Variants in ADAMTS18 observed in about 807,000 individuals in gnomAD.
The protein encoded by ADAMTS18 is ADAM metallopeptidase with thrombospondin type 1 motif 18, also known as A disintegrin and metalloproteinase with thrombospondin motifs 18.
In ADAMTS18, 157 loss-of-function variants were observed where a neutral mutation model predicts 165.9. The observed-to-expected ratio is 0.95, with a 90% CI of 0.83 to 1.08. The LOEUF (loss-of-function observed/expected upper bound fraction) is 1.08, where lower values mean the gene tolerates loss of function less well. ADAMTS18 is among the 50% of genes least tolerant of loss of function. ADAMTS18 has a pLI of 0.00. For synonymous variants in ADAMTS18, 782 were observed against 578.2 expected, an observed-to-expected ratio of 1.35 and a Z score of -5.06; for missense variants, 2,040 against 1,534.0, an observed-to-expected ratio of 1.33 and a Z score of -5.51.
chr16:77,289,110 C>G (rs970957342), intron 22 of ADAMTS18, among the ~76,000 whole-genome samples, 154 bp downstream of exon 22: 4 of 152,174 alleles, frequency 2.6e-5, no homozygotes, highest in African/African-American at 4.8e-5. Flanking sequence ...AGAGTGGTGC[C>G]TTATACAACT....
chr16:77,376,535 G>C (rs7196942), intron 3 of ADAMTS18, among the ~76,000 whole-genome samples: 37,306 of 151,908 alleles, frequency 0.25, 5,218 homozygotes, highest in East Asian at 0.57. Flanking sequence ...GTCAAGCCGA[G>C]GGAAAGGACT....
rs764484982 is a variant in ADAMTS18 at position 77,335,906 on chromosome 16, T to G, written c.1711-2A>C. On this transcript the variant is annotated splice_acceptor_variant, in intron 11 of 22. Coordinates refer to ENST00000282849, the MANE Select transcript of ADAMTS18 (RefSeq NM_199355.4). LOFTEE classifies it high-confidence loss of function. ...TACGCACTGGCCTTGCCGACACCACTGTGAAAAGAACGTGTAAGATGGTTC... is the reference window on the plus strand; with the variant it reads ...TACGCACTGGCCTTGCCGACACCACGGTGAAAAGAACGTGTAAGATGGTTC... 1 of 1,614,140 alleles carries G rather than the reference T, an allele frequency of 6.2e-7. No individual in the cohort carries two copies. Among genetic ancestry groups the G allele is most frequent in the East Asian group, 2.2e-5 (1 of 44,882 alleles).
intron 12 of ADAMTS18, among the ~76,000 whole-genome samples, chr16:77,334,016 T>C (rs1349704603): frequency 7.1e-6 from 1 of 141,292 alleles, no homozygotes; most frequent in Admixed American, 7.5e-5. Flanking sequence ...ATATGCTATA[T>C]ATAATATACA....
At chr16:77,365,295 A>G (rs1300442421) in intron 4 of ADAMTS18, among the ~76,000 whole-genome samples, 3 of 152,220 alleles carry the variant, frequency 2.0e-5, no homozygotes, top group Non-Finnish European at 4.4e-5. Flanking sequence ...AACTGCAGAA[A>G]TAGTGTTAAT....
In ADAMTS18 at chr16:77,306,465, CTCTT is replaced by C. The variant is rs968285190; in HGVS notation, c.2533-6065_2533-6062del. Among the ~76,000 whole-genome samples, 63 of 152,272 alleles carry C rather than the reference CTCTT, an allele frequency of 4.1e-4. 1 individual carries two copies. Among genetic ancestry groups the C allele is most frequent in the African/African-American group, 1.4e-3 (57 of 41,564 alleles). On this transcript the variant is annotated intron_variant, in intron 16 of 22. Coordinates refer to ENST00000282849, the MANE Select transcript of ADAMTS18 (RefSeq NM_199355.4). The stretch of plus-strand genomic sequence containing the variant: ...CTTCAATAATCACGGGTAAATGATT[CTCTT>C]TCTTTCGTCCCCACTTTTAATTTTT...
intron 6 of ADAMTS18, among the ~76,000 whole-genome samples, chr16:77,363,528 T>C (rs936439871): frequency 8.9e-5 from 12 of 134,256 alleles, no homozygotes; most frequent in African/African-American, 3.5e-4. Flanking sequence ...TTTTTATTTA[T>C]ATTATCTATT....
intron 3 of ADAMTS18, among the ~76,000 whole-genome samples, chr16:77,401,574 T>A (rs1002431295): frequency 2.6e-5 from 4 of 152,224 alleles, no homozygotes; most frequent in East Asian, 3.9e-4. Flanking sequence ...ACACTAGAAT[T>A]GACAAGTTCT....
intron 16 of ADAMTS18, among the ~76,000 whole-genome samples, chr16:77,309,720 T>C (rs1429701511): frequency 6.6e-6 from 1 of 152,162 alleles, no homozygotes; most frequent in Non-Finnish European, 1.5e-5. Context: ...AGCAGTCAAT[T>C]ATTTCCAGGA....
intron 16 of ADAMTS18, among the ~76,000 whole-genome samples, chr16:77,317,271 C>A (rs1037725222): frequency 6.6e-6 from 1 of 152,106 alleles, no homozygotes; most frequent in South Asian, 2.1e-4. Context: ...TACTCTATAC[C>A]CAGTTTACTG....
chr16:77,334,969 T>C (rs1475584554), intron 12 of ADAMTS18, among the ~76,000 whole-genome samples: 11 of 142,918 alleles, frequency 7.7e-5, no homozygotes, highest in African/African-American at 2.8e-4. Flanking sequence ...ATATACTGTA[T>C]ATTATAGTAT....
chr16:77,408,049 C>CA (rs746297477), intron 3 of ADAMTS18, among the ~76,000 whole-genome samples: 2 of 151,736 alleles, frequency 1.3e-5, no homozygotes, highest in Non-Finnish European at 1.5e-5. Flanking sequence ...AGAAAAATGG[C>CA]AAAAAACTTA....
At chr16:77,287,317 T>TAGTC (rs2144552255) in intron 22 of ADAMTS18, among the ~76,000 whole-genome samples, 1 of 152,288 alleles carries the variant, frequency 6.6e-6, no homozygotes, top group African/African-American at 2.4e-5. Flanking sequence ...ACATTCATAG[T>TAGTC]AGTCACCCTG....
intron 3 of ADAMTS18, among the ~76,000 whole-genome samples, chr16:77,414,801 A>G (rs1274828108): frequency 1.3e-5 from 2 of 152,220 alleles, no homozygotes; most frequent in African/African-American, 2.4e-5. Context: ...CATCAATAAG[A>G]ATTCTTGGTT....
At chr16:77,342,589 C>G (rs1438399073) in intron 10 of ADAMTS18, among the ~76,000 whole-genome samples, 12 of 152,140 alleles carry the variant, frequency 7.9e-5, no homozygotes, top group Non-Finnish European at 2.9e-5. Context: ...CCAGGCCTGG[C>G]CACCTTCTTC....
At chr16:77,312,982 GAC>G (rs1047027655) in intron 16 of ADAMTS18, among the ~76,000 whole-genome samples, 1 of 152,172 alleles carries the variant, frequency 6.6e-6, no homozygotes, top group South Asian at 2.1e-4. Context: ...CTGCTATAAA[GAC>G]ACACACACAC....
chr16:77,417,693 C>T (rs1209227863), intron 3 of ADAMTS18, among the ~76,000 whole-genome samples: 4 of 152,160 alleles, frequency 2.6e-5, no homozygotes, highest in South Asian at 2.1e-4. Context: ...CATGCTGGTG[C>T]GCTGCACCCA....
rs769949797 is a variant in ADAMTS18 at position 77,291,375 on chromosome 16, TTACGGCATCTTCGCTCTGG to T, written c.3274_3292del (p.Pro1092IlefsTer27). On this transcript the variant is annotated frameshift_variant, in exon 21 of 23. Coordinates refer to ENST00000282849, the MANE Select transcript of ADAMTS18 (RefSeq NM_199355.4). LOFTEE classifies it high-confidence loss of function. ...CAAGTCCAGATTTGGTTTCTTAATA[TTACGGCATCTTCGCTCTGG>T]GAAAGTTATCAGCTTTCCCTGGAAG... 10 of 1,614,174 alleles carry T rather than the reference TTACGGCATCTTCGCTCTGG, an allele frequency of 6.2e-6. No homozygotes were observed. The highest frequency in any genetic ancestry group is 8.5e-6 in the Non-Finnish European group (10 of 1,180,022).
intron 3 of ADAMTS18, among the ~76,000 whole-genome samples, chr16:77,425,785 G>T (rs1162180411): frequency 6.6e-6 from 1 of 152,108 alleles, no homozygotes; most frequent in Non-Finnish European, 1.5e-5. Context: ...GCTCACACCT[G>T]TAATTCTGGC....
Position 77,365,628 on chromosome 16 carries a change from C to T in ADAMTS18, c.779-1247G>A, listed in dbSNP as rs181116904. ...TTGAGCAGAGACCTAGAAGTGCCTG[C>T]TCGGCCAGACATGATGCCTTTAGTT... On this transcript the variant is annotated intron_variant, in intron 4 of 22. Transcript: ENST00000282849. Among the ~76,000 whole-genome samples, 100 of 152,328 alleles carry T rather than the reference C, an allele frequency of 6.6e-4. No individual in the cohort carries two copies. The East Asian group carries it at 0.017, about 25-fold the overall frequency.
Sources: allele counts gnomAD v4.1 joint callset (sites outside exome capture counted in the v4.1 genomes callset), GRCh38; gene constraint gnomAD v4.1.1; transcripts MANE v1.5; gene names NCBI Gene and HGNC (gene_info 2026-07-23, HGNC 2026-07-21).